KDM4C: variants seen among roughly 807,000 people sequenced by gnomAD.
The protein encoded by KDM4C is lysine-specific demethylase 4C.
A neutral mutation model predicts 129.3 loss-of-function variants in KDM4C; 81 were observed. That is an observed-to-expected ratio of 0.63 (90% CI 0.52 to 0.75). The LOEUF (loss-of-function observed/expected upper bound fraction) is 0.75. KDM4C is among the 30% of genes least tolerant of loss of function. The pLI, the probability that KDM4C is intolerant of heterozygous loss-of-function variation, is 0.00. For synonymous variants in KDM4C, 573 were observed against 456.1 expected (o/e 1.26, Z -3.26); for missense variants, 1,457 against 1,304.0 (o/e 1.12, Z -1.81).
intron 3 of KDM4C, 65 bp from the exon 4 acceptor site, chr9:6,814,566 T>C: frequency 1.0e-6 from 1 of 985,808 alleles, no homozygotes; most frequent in Middle Eastern, 2.3e-4. Flanking sequence ...TTTAAATCAA[T>C]TTGGTGGGAA....
At chr9:6,879,965 C>G in intron 5 of KDM4C, 47 bp from the exon 6 acceptor site, 1 of 1,002,026 alleles carries the variant, frequency 1.0e-6, no homozygotes, top group Non-Finnish European at 1.5e-6. Context: ...AGGCTACTAG[C>G]TGAAAAATTA....
At chr9:7,150,336 C>A (rs973179799) in intron 19 of KDM4C, among the ~76,000 whole-genome samples, 1 of 152,176 alleles carries the variant, frequency 6.6e-6, no homozygotes, top group Non-Finnish European at 1.5e-5. Context: ...GCATGAGGAA[C>A]TTTGGTTAAT....
At chr9:7,044,693 C>A (rs1169508868) in intron 15 of KDM4C, among the ~76,000 whole-genome samples, 1 of 151,922 alleles carries the variant, frequency 6.6e-6, no homozygotes, top group Non-Finnish European at 1.5e-5. Context: ...TTTGAGATAC[C>A]TGTGGCACTG....
Position 6,814,675 on chromosome 9 carries a change from A to G in KDM4C, c.365A>G (p.Lys122Arg). Reference sequence around the variant, plus strand: ...TTGGATTACGAAGATTTGGAGCGCAAGTACTGGAAGAACTTAACTTTTGTG... The same window carrying G: ...TTGGATTACGAAGATTTGGAGCGCAGGTACTGGAAGAACTTAACTTTTGTG... ...RYLDYEDLERKYWKNLTFVAP... is the reference protein window; with the variant it reads ...RYLDYEDLERRYWKNLTFVAP... Residue 122 changes from lysine (K) to arginine (R), a missense_variant, in exon 4 of 22, where the codon AAG becomes AGG. By Grantham distance (26) the Lys-to-Arg change is conservative (BLOSUM62 2). Transcript: ENST00000381309. The G allele has an allele frequency of 1.2e-6, 2 of 1,611,348 alleles. No homozygotes were observed. Among genetic ancestry groups the G allele is most frequent in the Non-Finnish European group, 1.7e-6 (2 of 1,178,694 alleles).
chr9:6,936,702 T>C (rs931720617), intron 8 of KDM4C, among the ~76,000 whole-genome samples: 1 of 152,200 alleles, frequency 6.6e-6, no homozygotes, highest in African/African-American at 2.4e-5. Flanking sequence ...AAACAATATT[T>C]TGGGAGGTAC....
rs189784704 is a variant in KDM4C at position 6,955,860 on chromosome 9, A to G, written c.922-25065A>G. 5.4e-3 allele frequency among the ~76,000 whole-genome samples: 828 copies of G among 152,324 alleles called. 9 individuals carry two copies. The highest frequency in any genetic ancestry group is 0.019 in the African/African-American group (786 of 41,572). ...GATGGAACACAGTGACGCTTTGTCTAGTACAAAATTGTTCTCAATCTTTAT... is the reference window on the plus strand; with the variant it reads ...GATGGAACACAGTGACGCTTTGTCTGGTACAAAATTGTTCTCAATCTTTAT... On this transcript the variant is annotated intron_variant, in intron 8 of 21. Transcript: ENST00000381309.
intron 8 of KDM4C, among the ~76,000 whole-genome samples, chr9:6,962,214 A>T (rs991824506): frequency 8.5e-5 from 13 of 152,254 alleles, no homozygotes; most frequent in Non-Finnish European, 1.2e-4. Flanking sequence ...TATGCTCAAC[A>T]GCCTGGATGA....
At chr9:7,032,547 A>G (rs1335476008) in intron 15 of KDM4C, among the ~76,000 whole-genome samples, 2 of 152,256 alleles carry the variant, frequency 1.3e-5, no homozygotes, top group African/African-American at 4.8e-5. Context: ...TAGCAGGGAT[A>G]GACTTTTCTT....
At chr9:7,109,826 C>T (rs964989955) in intron 18 of KDM4C, among the ~76,000 whole-genome samples, 1 of 152,116 alleles carries the variant, frequency 6.6e-6, no homozygotes, top group Non-Finnish European at 1.5e-5. Context: ...TTGGCTGTGT[C>T]CCCACCCAAA....
intron 19 of KDM4C, among the ~76,000 whole-genome samples, chr9:7,144,248 C>G (rs557198077): frequency 3.3e-5 from 5 of 152,116 alleles, no homozygotes; most frequent in Non-Finnish European, 5.9e-5. Context: ...AGAGAGATTA[C>G]AGGCATGAGC....
At chr9:6,795,208 C>G (rs1827492123) in intron 2 of KDM4C, among the ~76,000 whole-genome samples, 1 of 152,176 alleles carries the variant, frequency 6.6e-6, no homozygotes, top group African/African-American at 2.4e-5. Context: ...GCTTCCAGAA[C>G]TATTGGGATT....
chr9:7,103,576 AGTT>A (rs1194304416), intron 17 of KDM4C, 106 bp from the exon 18 acceptor site: 20 of 816,138 alleles, frequency 2.5e-5, no homozygotes, highest in African/African-American at 5.2e-5. Context: ...TGATGTAATC[AGTT>A]GTTTTTTTTT....
chr9:6,887,565 C>A (rs1313547552), intron 6 of KDM4C, among the ~76,000 whole-genome samples: 1 of 152,130 alleles, frequency 6.6e-6, no homozygotes, highest in African/African-American at 2.4e-5. Context: ...CTTATCTTTC[C>A]TTTTTTTCCC....
intron 1 of KDM4C, among the ~76,000 whole-genome samples, chr9:6,789,357 C>T (rs113739943): frequency 3.3e-5 from 5 of 151,110 alleles, no homozygotes; most frequent in African/African-American, 1.2e-4. Flanking sequence ...AATAGCTTGG[C>T]TTATAGACAT....
In KDM4C at chr9:6,941,300, T is replaced by A. The variant is rs185943721; in HGVS notation, c.922-39625T>A. On this transcript the variant is annotated intron_variant, in intron 8 of 21. Transcript: ENST00000381309. ...CTGGGATTACGGGTGTTGGGCTTTT[T>A]TTCATATGTTTATTCACTGCATGTA... Among the ~76,000 whole-genome samples the A allele has an allele frequency of 2.6e-5, 4 of 152,328 alleles. No homozygotes were observed. In the East Asian group the frequency reaches 7.7e-4, roughly 29 times the overall value.
chr9:6,817,292 C>T (rs1466267640), intron 4 of KDM4C, among the ~76,000 whole-genome samples: 1 of 149,186 alleles, frequency 6.7e-6, no homozygotes, highest in Non-Finnish European at 1.5e-5. Context: ...GCCTTGACCT[C>T]CTGGGTTCAA....
At chr9:6,735,990 G>A (rs773141365) in intron 1 of KDM4C, among the ~76,000 whole-genome samples, 10 of 152,122 alleles carry the variant, frequency 6.6e-5, no homozygotes, top group Admixed American at 2.6e-4. Context: ...ATGGAAACGC[G>A]GAACTTGCTG....
chr9:6,911,477 C>T (rs1356621071), intron 8 of KDM4C, among the ~76,000 whole-genome samples: 1 of 152,060 alleles, frequency 6.6e-6, no homozygotes. Context: ...ATTACATATC[C>T]CGATTAAGAA....
At chr9:6,958,274 C>T (rs1423232461) in intron 8 of KDM4C, among the ~76,000 whole-genome samples, 1 of 152,004 alleles carries the variant, frequency 6.6e-6, no homozygotes. Flanking sequence ...ACTGTGACAG[C>T]AGCTAAGGAT....
Sources: gnomAD v4.1 joint callset for allele counts (sites outside exome capture counted in the v4.1 genomes callset) on GRCh38, gnomAD v4.1.1 for gene constraint, MANE v1.5 for transcripts, NCBI Gene and HGNC (gene_info 2026-07-23, HGNC 2026-07-21) for gene names.